The following HDAC9 variants were observed in gnomAD, a reference collection of about 807,000 sequenced individuals.
The protein encoded by HDAC9 is MEF-2 interacting transcription repressor (MITR) protein.
In HDAC9, 41 loss-of-function variants were observed where a neutral mutation model predicts 139.4. That is an observed-to-expected ratio of 0.29 (90% CI 0.23 to 0.38). The LOEUF (loss-of-function observed/expected upper bound fraction) is 0.38. Ranked by LOEUF, HDAC9 falls within the 10% of genes least tolerant of loss-of-function variation. The pLI, the probability that HDAC9 is intolerant of heterozygous loss-of-function variation, is 1.00. For synonymous variants in HDAC9, 517 were observed against 476.2 expected (o/e 1.09, Z -1.12); for missense variants, 1,147 against 1,297.0 (o/e 0.88, Z 1.78).
intron 1 of HDAC9, among the ~76,000 whole-genome samples, chr7:18,130,700 T>C (rs192402772): frequency 8.2e-4 from 125 of 152,260 alleles, no homozygotes; most frequent in Non-Finnish European, 2.9e-4. Context: ...ATGTACTTTT[T>C]CCCCATTTAT....
At chr7:18,635,244 A>C (rs1369661494) in intron 8 of HDAC9, among the ~76,000 whole-genome samples, 7 of 151,908 alleles carry the variant, frequency 4.6e-5, no homozygotes, top group Non-Finnish European at 1.0e-4. Flanking sequence ...GAACCTAGCG[A>C]GGTGGATTTT....
chr7:18,138,511 G>A (rs973679437), intron 1 of HDAC9, among the ~76,000 whole-genome samples: 4 of 147,290 alleles, frequency 2.7e-5, no homozygotes, highest in African/African-American at 1.0e-4. Flanking sequence ...GGAAGCTGTA[G>A]TGAGAGAGAG....
rs565724888 is a variant in HDAC9, at chr7:18,732,710, C to T, written c.1909+4953C>T. 3.7e-3 allele frequency among the ~76,000 whole-genome samples: 417 copies of T among 114,036 alleles called. 43 individuals carry two copies. The highest frequency in any genetic ancestry group is 2.1e-3 in the Non-Finnish European group (114 of 55,580). 74.8% of individuals were successfully genotyped at this position (114,036 alleles called of 152,430 possible). On this transcript the variant is annotated intron_variant, in intron 13 of 25. Transcript: ENST00000686413. Reference sequence around the variant, plus strand: ...GTACACACACACACGTGTATGTGTGCGTATGTGTACACACACACACGTGTA... The same window carrying T: ...GTACACACACACACGTGTATGTGTGTGTATGTGTACACACACACACGTGTA...
intron 1 of HDAC9, among the ~76,000 whole-genome samples, chr7:18,436,262 T>A (rs1791194486): frequency 6.6e-6 from 1 of 152,214 alleles, no homozygotes; most frequent in Non-Finnish European, 1.5e-5. Context: ...ATGATATTTT[T>A]AAAATTTCTA....
chr7:18,189,262 A>T (rs1790150335), intron 2 of HDAC9, among the ~76,000 whole-genome samples: 1 of 150,242 alleles, frequency 6.7e-6, no homozygotes, highest in Admixed American at 6.7e-5. Context: ...CAAACACCGC[A>T]TGTTCTCACT....
At position 18,507,351 on chromosome 7, in the gene HDAC9, C is replaced by T. The variant is rs773358853; in HGVS notation, c.22+11027C>T. The stretch of plus-strand genomic sequence containing the variant: ...AACTACAGGCGCCCGCCACCACGCC[C>T]GGCTAGTTTTTTTTTGTATTTTTAG... On this transcript the variant is annotated intron_variant, in intron 2 of 25. Coordinates refer to ENST00000686413, the MANE Select transcript of HDAC9 (RefSeq NM_178425.4). 2.1e-3 allele frequency among the ~76,000 whole-genome samples: 312 copies of T among 151,456 alleles called. 6 individuals carry two copies. Among genetic ancestry groups the T allele is most frequent in the Non-Finnish European group, 7.1e-4 (48 of 67,856 alleles).
intron 21 of HDAC9, among the ~76,000 whole-genome samples, chr7:18,857,392 G>A (rs2129229336): frequency 6.9e-6 from 1 of 145,654 alleles, no homozygotes; most frequent in Middle Eastern, 3.5e-3. Flanking sequence ...TTCCTGGAGT[G>A]AAATGTACTT....
At chr7:18,328,471 A>C (rs1800643845) in intron 1 of HDAC9, among the ~76,000 whole-genome samples, 1 of 152,004 alleles carries the variant, frequency 6.6e-6, no homozygotes, top group African/African-American at 2.4e-5. Context: ...CTTTGCACTA[A>C]GTAATTTAGA....
intron 6 of HDAC9, among the ~76,000 whole-genome samples, chr7:18,608,685 T>A (rs1661567904): frequency 6.6e-6 from 1 of 152,198 alleles, no homozygotes; most frequent in South Asian, 2.1e-4. Context: ...TAAAAATATC[T>A]GAGAATATAA....
At chr7:18,972,200 G>A (rs779479446) in intron 24 of HDAC9, among the ~76,000 whole-genome samples, 3 of 152,094 alleles carry the variant, frequency 2.0e-5, no homozygotes, top group Non-Finnish European at 2.9e-5. Context: ...GAAGGACCAC[G>A]ATAAGTGAGA....
intron 13 of HDAC9, among the ~76,000 whole-genome samples, chr7:18,729,693 T>A (rs139889007): frequency 2.6e-5 from 4 of 152,248 alleles, no homozygotes; most frequent in Non-Finnish European, 5.9e-5. Flanking sequence ...TTCCCCCTCA[T>A]AATGTCAACA....
intron 2 of HDAC9, among the ~76,000 whole-genome samples, chr7:18,193,921 A>G (rs1035192123): frequency 2.6e-5 from 4 of 152,082 alleles, no homozygotes; most frequent in East Asian, 1.9e-4. Context: ...TGCAAAGCAT[A>G]TTATTCTGTT....
At chr7:18,184,064 G>C (rs900291060) in intron 2 of HDAC9, among the ~76,000 whole-genome samples, 7 of 152,246 alleles carry the variant, frequency 4.6e-5, no homozygotes, top group Non-Finnish European at 8.8e-5. Context: ...GAAGTTTTTA[G>C]ATTTTGTATT....
intron 1 of HDAC9, among the ~76,000 whole-genome samples, chr7:18,315,705 C>T (rs956630428): frequency 1.3e-5 from 2 of 152,178 alleles, no homozygotes; most frequent in Non-Finnish European, 2.9e-5. Flanking sequence ...AGGAGAATGA[C>T]ACCCTCACCT....
chr7:18,637,681 T>C (rs560398954), intron 8 of HDAC9, among the ~76,000 whole-genome samples: 2 of 152,206 alleles, frequency 1.3e-5, no homozygotes, highest in Non-Finnish European at 2.9e-5. Flanking sequence ...GCCTGAACTA[T>C]GATCCAAAAG....
At chr7:18,551,905 T>G (rs1213218412) in intron 2 of HDAC9, among the ~76,000 whole-genome samples, 1 of 152,210 alleles carries the variant, frequency 6.6e-6, no homozygotes, top group Non-Finnish European at 1.5e-5. Flanking sequence ...TTGAAATGTA[T>G]TTTATGTATT....
intron 12 of HDAC9, among the ~76,000 whole-genome samples, chr7:18,686,920 G>T (rs1782315672): frequency 1.3e-5 from 2 of 151,582 alleles, no homozygotes. Context: ...TTTAAATATT[G>T]GACATGGTCC....
intron 17 of HDAC9, among the ~76,000 whole-genome samples, chr7:18,828,311 G>A (rs1216425667): frequency 1.3e-5 from 2 of 152,180 alleles, no homozygotes; most frequent in African/African-American, 4.8e-5. Flanking sequence ...GTGAAAGGTG[G>A]TGTGAACCAT....
At chr7:18,545,325 G>A (rs1814417987) in intron 2 of HDAC9, among the ~76,000 whole-genome samples, 1 of 151,354 alleles carries the variant, frequency 6.6e-6, no homozygotes, top group African/African-American at 2.4e-5. Flanking sequence ...GGAAGTTGCT[G>A]TGATAAGAAT....
Sources: allele counts gnomAD v4.1 joint callset (sites outside exome capture counted in the v4.1 genomes callset), GRCh38; gene constraint gnomAD v4.1.1; transcripts MANE v1.5; gene names NCBI Gene and HGNC (gene_info 2026-07-23, HGNC 2026-07-21).